The following CFAP47 variants were observed in gnomAD, a reference collection of about 807,000 sequenced individuals.
CFAP47 encodes cilia and flagella associated protein 47.
A neutral mutation model predicts 148.1 loss-of-function variants in CFAP47; 29 were observed. The ratio of observed to expected loss-of-function variants is 0.20; its 90% CI spans 0.15 to 0.27. The LOEUF (loss-of-function observed/expected upper bound fraction) is 0.27, where lower values mean the gene tolerates loss of function less well. CFAP47 is among the 10% of genes least tolerant of loss of function. The pLI is 1.00. For synonymous variants in CFAP47, 664 were observed against 577.3 expected (o/e 1.15, Z -2.15); for missense variants, 1,872 against 1,697.5 (o/e 1.10, Z -1.81).
intron 39 of CFAP47, among the ~76,000 whole-genome samples, chrX:36,161,366 T>C (rs1344912541): frequency 9.0e-6 from 1 of 111,678 alleles, no homozygotes; most frequent in Non-Finnish European, 1.9e-5. Context: ...AATTAATAGA[T>C]TTTTTACTTC....
At chrX:36,056,650 G>A (rs1937556987) in intron 26 of CFAP47, among the ~76,000 whole-genome samples, 1 of 112,229 alleles carries the variant, frequency 8.9e-6, no homozygotes, top group African/African-American at 3.2e-5. Context: ...TGAAATATGT[G>A]GAACTGAACT....
At chrX:36,081,126 A>T (rs1937972910) in intron 29 of CFAP47, among the ~76,000 whole-genome samples, 3 of 111,430 alleles carry the variant, frequency 2.7e-5, no homozygotes, top group Admixed American at 9.6e-5. Context: ...AAAAAGAGAG[A>T]ATATACAAAT....
intron 40 of CFAP47, among the ~76,000 whole-genome samples, chrX:36,183,323 A>G (rs1425968877): frequency 9.0e-6 from 1 of 111,126 alleles, no homozygotes; most frequent in African/African-American, 3.3e-5. Flanking sequence ...TATTTCAAAA[A>G]ATAAAAATAA....
chrX:36,235,944 C>T lies in CFAP47; in HGVS notation c.7025C>T (p.Thr2342Ile). The change falls in exon 47 of 64, where the codon ACA becomes ATA. Residue 2342 changes from threonine to isoleucine, a missense_variant. Physicochemically the swap from Thr to Ile is moderately conservative, Grantham distance 89 (BLOSUM62 -1). Transcript: ENST00000378653. ...TTTTTCATGCTTTAGAAAAATCAAACAAACGATAAATGGACCTTTCAAGTT... is the reference window on the plus strand; with the variant it reads ...TTTTTCATGCTTTAGAAAAATCAAATAAACGATAAATGGACCTTTCAAGTT... ...LTQNIPIKNQ[T>I]NDKWTFQVTI... 2.0e-6 allele frequency: 1 copy of T among 488,407 alleles called. No individual in the cohort carries two copies. Among genetic ancestry groups the T allele is most frequent in the East Asian group, 3.8e-5 (1 of 26,620 alleles). The allele number at this position is 488,407 out of a possible 1,213,427, so 40.3% of individuals were successfully genotyped here.
intron 2 of CFAP47, among the ~76,000 whole-genome samples, chrX:35,931,908 G>A (rs1470571423): frequency 9.0e-6 from 1 of 110,680 alleles, no homozygotes; most frequent in Non-Finnish European, 1.9e-5. Context: ...TAAAACTTAT[G>A]AGGAAAAATA....
intron 50 of CFAP47, 50 bp downstream of exon 50, chrX:36,280,680 C>T (rs185174744): frequency 1.9e-5 from 8 of 426,994 alleles, no homozygotes; most frequent in Middle Eastern, 8.2e-4. Flanking sequence ...AAATCCAAAT[C>T]ATCATTCACT....
At position 36,073,217 on chromosome X, in the gene CFAP47, A is replaced by C; in HGVS notation, c.4544A>C (p.Glu1515Ala). 1 of 1,210,232 alleles carries C rather than the reference A, an allele frequency of 8.3e-7. No homozygotes were observed. Among genetic ancestry groups the C allele is most frequent in the Non-Finnish European group, 1.1e-6 (1 of 894,336 alleles). Residue 1515 changes from glutamate to alanine, a missense_variant, in exon 29 of 64, where the codon GAA (glutamate) becomes GCA (alanine). Physicochemically the swap from Glu to Ala is moderately radical, Grantham distance 107. Coordinates refer to ENST00000378653, the MANE Select transcript of CFAP47 (RefSeq NM_001304548.2). ...GAAGATCATGGGTCTCTGGAAAAGG[A>C]AAAATATGAACAATTCCTTTCTCTT... ...SEEDHGSLEK[E>A]KYEQFLSLEE...
chrX:35,936,588 T>A lies in CFAP47; in HGVS notation c.402-4695T>A, dbSNP rs372163137. Among the ~76,000 whole-genome samples the A allele has an allele frequency of 5.3e-4, 59 of 110,631 alleles. No homozygotes were observed. The East Asian group carries it at 0.013, about 24-fold the overall frequency. ...CCTGATATGACAGGTGATTTTTGAT[T>A]GAATGCTAAATTTTTTTTTCTGTTA... On this transcript the variant is annotated intron_variant, in intron 2 of 63. Transcript: ENST00000378653.
chrX:36,029,395 C>A (rs1226019300), intron 22 of CFAP47, among the ~76,000 whole-genome samples: 12 of 110,989 alleles, frequency 1.1e-4, no homozygotes, highest in Non-Finnish European at 5.7e-5. Flanking sequence ...TAGCTCTGCT[C>A]TGATCTTTAT....
At chrX:36,304,266 C>G (rs1941327345) in intron 54 of CFAP47, among the ~76,000 whole-genome samples, 1 of 109,385 alleles carries the variant, frequency 9.1e-6, no homozygotes, top group Non-Finnish European at 1.9e-5. Context: ...CCTGAAATCC[C>G]AGCTACTCGG....
intron 22 of CFAP47, among the ~76,000 whole-genome samples, chrX:36,029,468 A>G (rs1472106193): frequency 9.1e-6 from 1 of 109,991 alleles, no homozygotes; most frequent in East Asian, 2.8e-4. Context: ...TTAAGGTGTA[A>G]AATTAGGTTA....
chrX:36,044,780 C>T (rs1450187763), intron 25 of CFAP47, among the ~76,000 whole-genome samples: 5 of 112,061 alleles, frequency 4.5e-5, no homozygotes, highest in African/African-American at 1.6e-4. Context: ...TCAAACTCTG[C>T]CAGTTACCCA....
At chrX:36,058,399 C>T (rs899012639) in intron 26 of CFAP47, among the ~76,000 whole-genome samples, 1 of 111,615 alleles carries the variant, frequency 9.0e-6, no homozygotes, top group East Asian at 2.8e-4. Flanking sequence ...TTTGCAGGTA[C>T]ACCCTCAGCT....
chrX:36,188,049 T>A (rs1939826167), intron 40 of CFAP47, among the ~76,000 whole-genome samples: 1 of 111,921 alleles, frequency 8.9e-6, no homozygotes, highest in Non-Finnish European at 1.9e-5. Flanking sequence ...GTGAAATTGA[T>A]GGGTTCTGGA....
At chrX:36,288,178 TAC>T (rs1556004956) in intron 51 of CFAP47, among the ~76,000 whole-genome samples, 1 of 112,137 alleles carries the variant, frequency 8.9e-6, no homozygotes, top group African/African-American at 3.2e-5. Flanking sequence ...AAGAAATACT[TAC>T]AGTCTTGAAA....
rs1402052167 is a variant in CFAP47, at chrX:35,976,536, T to C, written c.2713+623T>C. Among the ~76,000 whole-genome samples the C allele has an allele frequency of 6.3e-5, 7 of 111,685 alleles. No individual in the cohort carries two copies. In the East Asian group the frequency reaches 2.0e-3, roughly 32 times the overall value. ...TACTGATTTAAGTGTTAATTACGTC[T>C]AAAAAAACACTTTCACAACAACATC... On this transcript the variant is annotated intron_variant, in intron 15 of 63. Transcript: ENST00000378653.
chrX:35,927,723 C>G (rs1310622254), intron 2 of CFAP47, among the ~76,000 whole-genome samples: 1 of 110,467 alleles, frequency 9.1e-6, no homozygotes, highest in Non-Finnish European at 1.9e-5. Context: ...TCCAATACCA[C>G]AAGAAAGTCC....
At position 36,366,961 on chromosome X, in the gene CFAP47, T is replaced by C. The variant is rs1411554653; in HGVS notation, c.9024-5T>C. 1 of 1,104,676 alleles carries C rather than the reference T, an allele frequency of 9.1e-7. No homozygotes were observed. Among genetic ancestry groups the C allele is most frequent in the Non-Finnish European group, 1.2e-6 (1 of 837,929 alleles). 91.0% of individuals were successfully genotyped at this position (1,104,676 alleles called of 1,213,427 possible). On this transcript the variant is annotated splice_polypyrimidine_tract_variant and splice_region_variant and intron_variant, in intron 61 of 63. Coordinates refer to ENST00000378653, the MANE Select transcript of CFAP47 (RefSeq NM_001304548.2). The stretch of plus-strand genomic sequence containing the variant: ...TGTCATTTAAAATCTCCTTTTATAT[T>C]CAAGGTCTCACATAACACTGAAAAT...
intron 18 of CFAP47, among the ~76,000 whole-genome samples, chrX:35,994,868 G>T (rs1471018487): frequency 2.7e-5 from 3 of 111,058 alleles, no homozygotes; most frequent in African/African-American, 6.5e-5. Context: ...AAATGTTAAG[G>T]ATGCAATGAT....
Sources: gnomAD v4.1 joint callset for allele counts (sites outside exome capture counted in the v4.1 genomes callset) on GRCh38, gnomAD v4.1.1 for gene constraint, MANE v1.5 for transcripts, NCBI Gene and HGNC (gene_info 2026-07-23, HGNC 2026-07-21) for gene names.